Variants in ATP2B2 observed in about 807,000 individuals in gnomAD.
ATP2B2 encodes ATPase plasma membrane Ca2+ transporting 2, also known as plasma membrane calcium-transporting ATPase 2.
ATP2B2 carries 15 observed loss-of-function variants against 120.0 expected under a neutral mutation model. The ratio of observed to expected loss-of-function variants is 0.12; its 90% CI spans 0.08 to 0.19. ATP2B2 has a LOEUF of 0.19. Ranked by LOEUF, ATP2B2 falls within the 10% of genes least tolerant of loss-of-function variation. ATP2B2 has a pLI of 1.00. For synonymous variants in ATP2B2, 694 were observed against 700.3 expected, an observed-to-expected ratio of 0.99 and a Z score of 0.14; for missense variants, 1,045 against 1,719.8, an observed-to-expected ratio of 0.61 and a Z score of 6.94.
At chr3:10,704,137 T>C (rs564090136) in intron 1 of ATP2B2, among the ~76,000 whole-genome samples, 1 of 152,358 alleles carries the variant, frequency 6.6e-6, no homozygotes, top group East Asian at 1.9e-4. Context: ...CTCTTAGGAA[T>C]CTCAAGTAAA....
At chr3:10,338,463 G>C (rs2060187976) in intron 21 of ATP2B2, 105 bp from the exon 22 acceptor site, 1 of 1,227,790 alleles carries the variant, frequency 8.1e-7, no homozygotes, top group South Asian at 1.2e-5. Context: ...GCTCACCCAG[G>C]CATGTGATCA....
chr3:10,429,339 C>T (rs1192030925), intron 2 of ATP2B2, among the ~76,000 whole-genome samples: 2 of 152,206 alleles, frequency 1.3e-5, no homozygotes, highest in Non-Finnish European at 2.9e-5. Flanking sequence ...TGCGGCAACC[C>T]TGCATTGAGC....
intron 3 of ATP2B2, among the ~76,000 whole-genome samples, chr3:10,522,332 C>T (rs1196797746): frequency 2.6e-5 from 4 of 152,058 alleles, no homozygotes; most frequent in African/African-American, 4.8e-5. Context: ...GAGAAGTTAG[C>T]TAGTTGTCTC....
In ATP2B2 at chr3:10,342,846, G is replaced by A. The variant is rs747259690; in HGVS notation, c.2823C>T (p.Gly941=). 9 of 1,613,900 alleles carry A rather than the reference G, an allele frequency of 5.6e-6. No individual in the cohort carries two copies. Among genetic ancestry groups the A allele is most frequent in the Non-Finnish European group, 6.8e-6 (8 of 1,179,928 alleles). The change falls in exon 19 of 23, where the codon GGC becomes GGT. Residue 941 remains glycine, a synonymous_variant. Coordinates refer to ENST00000360273, the MANE Select transcript of ATP2B2 (RefSeq NM_001001331.4). This position sits in a 1 kb window ranked among gnomAD's most constrained non-coding sequence, Gnocchi z 4.4. ...TCCTGGAGATGAGCGGCTTGTTGCG[G>A]CCGTACGGCTTCCTCAGCAGCAGGG... ...TETLLLRKPY[G]RNKPLISRTM...
rs41293347 is a variant in ATP2B2, at chr3:10,378,429, G to T, written c.1043-19C>A. On this transcript the variant is annotated intron_variant, in intron 9 of 22. Transcript: ENST00000360273. ...TGTTTGGCTGCAGGGGGCAGATCAC[G>T]CACGTGCATACACACAGACACATAG... 6.3e-7 allele frequency: 1 copy of T among 1,599,652 alleles called. No individual in the cohort carries two copies.
chr3:10,502,227 C>CTCCTGA (rs1385409845), intron 1 of ATP2B2, among the ~76,000 whole-genome samples: 1 of 152,226 alleles, frequency 6.6e-6, no homozygotes, highest in East Asian at 1.9e-4. Flanking sequence ...CCTGCTCCGG[C>CTCCTGA]TCCTGATCCT....
At chr3:10,564,193 T>TG (rs2125534506) in intron 2 of ATP2B2, among the ~76,000 whole-genome samples, 1 of 152,316 alleles carries the variant, frequency 6.6e-6, no homozygotes, top group South Asian at 2.1e-4. Flanking sequence ...ACCAATCCCT[T>TG]GGGGGCTGAT....
intron 14 of ATP2B2, 152 bp from the exon 15 acceptor site, chr3:10,350,729 G>T: frequency 1.3e-6 from 1 of 790,768 alleles, no homozygotes; most frequent in East Asian, 2.7e-5. Context: ...TGGCATATGG[G>T]CCACAGCCTC....
At chr3:10,674,095 C>T (rs551842326) in intron 1 of ATP2B2, among the ~76,000 whole-genome samples, 1 of 152,186 alleles carries the variant, frequency 6.6e-6, no homozygotes, top group South Asian at 2.1e-4. Context: ...ATCACATAAG[C>T]TCTCTGAGTT....
intron 2 of ATP2B2, among the ~76,000 whole-genome samples, chr3:10,414,935 C>G (rs2062730964): frequency 6.6e-6 from 1 of 152,152 alleles, no homozygotes; most frequent in African/African-American, 2.4e-5. Context: ...CTACGAGCAT[C>G]CCAGAATCAA....
intron 3 of ATP2B2, among the ~76,000 whole-genome samples, chr3:10,407,394 T>G (rs1199656511): frequency 6.6e-6 from 1 of 152,216 alleles, no homozygotes; most frequent in Non-Finnish European, 1.5e-5. Flanking sequence ...CTCCCTGCCT[T>G]CCTTCTTCCT....
At chr3:10,642,747 G>C (rs897262965) in intron 1 of ATP2B2, among the ~76,000 whole-genome samples, 2 of 151,004 alleles carry the variant, frequency 1.3e-5, no homozygotes, top group Non-Finnish European at 2.9e-5. Context: ...TTGGGTCCCT[G>C]CCATGGTGGG....
At position 10,375,445 on chromosome 3, in the gene ATP2B2, C is replaced by T. The variant is rs138468049; in HGVS notation, c.1401G>A (p.Leu467=). The T allele has an allele frequency of 1.7e-5, 28 of 1,612,328 alleles. No homozygotes were observed. The African/African-American group carries it at 3.3e-4, about 19-fold the overall frequency. Residue 467 remains leucine, a synonymous_variant, in exon 11 of 23, where the codon TTG becomes TTA. Transcript: ENST00000360273. This position sits in a 1 kb window ranked among gnomAD's most constrained non-coding sequence, Gnocchi z 4.2. ...EGLPLAVTIS[L]AYSVKKMMKD... ...CCCCTCTCACCTTCACCGAATAGGC[C>T]AACGAGATGGTGACGGCCAGAGGGA...
chr3:10,473,743 C>T (rs1487139901), intron 1 of ATP2B2, among the ~76,000 whole-genome samples: 3 of 152,168 alleles, frequency 2.0e-5, no homozygotes, highest in African/African-American at 4.8e-5. Flanking sequence ...GCAGAGTGAA[C>T]GGCATAGGCA....
At chr3:10,482,631 G>A (rs1559393011) in intron 1 of ATP2B2, among the ~76,000 whole-genome samples, 2 of 152,128 alleles carry the variant, frequency 1.3e-5, no homozygotes, top group South Asian at 2.1e-4. Flanking sequence ...GTGTCCCTGG[G>A]GCACCTCTGG....
At chr3:10,401,995 C>A (rs757794536) in intron 4 of ATP2B2, 96 bp downstream of exon 4, 1 of 1,577,972 alleles carries the variant, frequency 6.3e-7, no homozygotes, top group Non-Finnish European at 8.6e-7. Context: ...AGGAATGCAT[C>A]CCCTTCCTTG....
intron 2 of ATP2B2, among the ~76,000 whole-genome samples, chr3:10,447,101 C>G (rs936954422): frequency 3.9e-5 from 6 of 152,228 alleles, no homozygotes; most frequent in Non-Finnish European, 8.8e-5. Flanking sequence ...TCCTGGGGTC[C>G]TTGCTGCACT....
intron 22 of ATP2B2, chr3:10,336,387 C>T (rs1013794946): frequency 4.8e-5 from 63 of 1,305,768 alleles, no homozygotes; most frequent in Middle Eastern, 2.0e-4. Flanking sequence ...CAAGAACAGC[C>T]GCAGCCACGG....
chr3:10,577,416 G>A (rs1417057267), intron 2 of ATP2B2, among the ~76,000 whole-genome samples: 2 of 152,216 alleles, frequency 1.3e-5, no homozygotes, highest in Non-Finnish European at 2.9e-5. Context: ...CAAGACAGGA[G>A]CAGAGCTGGT....
Sources: allele counts gnomAD v4.1 joint callset (sites outside exome capture counted in the v4.1 genomes callset), GRCh38; gene constraint gnomAD v4.1.1; non-coding constraint Gnocchi (gnomAD v3.1); transcripts MANE v1.5; gene names NCBI Gene and HGNC (gene_info 2026-07-23, HGNC 2026-07-21).